The following USP24 variants were observed in gnomAD, a reference collection of about 807,000 sequenced individuals.
USP24 encodes the protein ubiquitin carboxyl-terminal hydrolase 24.
In USP24, 97 loss-of-function variants were observed where a neutral mutation model predicts 361.6. That is an observed-to-expected ratio of 0.27 (90% CI 0.23 to 0.32). The LOEUF is 0.32. USP24 is among the 10% of genes least tolerant of loss of function. USP24 has a pLI of 1.00. For synonymous variants in USP24, 1,098 were observed against 1,124.6 expected (o/e 0.98, Z 0.47); for missense variants, 2,353 against 3,165.6 (o/e 0.74, Z 6.16).
chr1:55,209,348 T>C (rs1389980747), intron 1 of USP24, among the ~76,000 whole-genome samples: 1 of 152,170 alleles, frequency 6.6e-6, no homozygotes, highest in Admixed American at 6.5e-5. Flanking sequence ...CTGGAACCTC[T>C]TCTTGACTGT....
At chr1:55,073,759 C>A (rs1436981534) in intron 64 of USP24, 69 bp downstream of exon 64, 1 of 1,403,542 alleles carries the variant, frequency 7.1e-7, no homozygotes, top group Non-Finnish European at 9.9e-7. Context: ...GGCACATGTT[C>A]CCCTTCTGCT....
chr1:55,117,847 C>T (rs185061457), intron 38 of USP24, among the ~76,000 whole-genome samples: 399 of 151,008 alleles, frequency 2.6e-3, no homozygotes, highest in Non-Finnish European at 4.5e-3. Flanking sequence ...GTTTCTTACA[C>T]TAACAATGAT....
chr1:55,074,974 A>G (rs1213454477), intron 63 of USP24, among the ~76,000 whole-genome samples: 1 of 152,226 alleles, frequency 6.6e-6, no homozygotes, highest in Admixed American at 6.5e-5. Context: ...CAGGAAAGCC[A>G]ATTTAGCCTT....
At chr1:55,176,625 A>C (rs1229476237) in intron 2 of USP24, among the ~76,000 whole-genome samples, 182 bp from the exon 3 acceptor site, 1 of 152,182 alleles carries the variant, frequency 6.6e-6, no homozygotes, top group Admixed American at 6.5e-5. Flanking sequence ...GAAATTATTA[A>C]AAGTAGAATA....
intron 28 of USP24, among the ~76,000 whole-genome samples, chr1:55,136,516 A>C (rs1173026014): frequency 6.6e-6 from 1 of 152,166 alleles, no homozygotes; most frequent in Non-Finnish European, 1.5e-5. Flanking sequence ...TAAGAGCAGA[A>C]ACTGTGAGAG....
At chr1:55,210,617 T>C (rs535951732) in intron 1 of USP24, among the ~76,000 whole-genome samples, 49 of 152,196 alleles carry the variant, frequency 3.2e-4, no homozygotes, top group African/African-American at 1.2e-3. Flanking sequence ...ACAAGAGAAA[T>C]AGGAATGAGG....
At chr1:55,149,797 A>G (rs1175050577) in intron 16 of USP24, among the ~76,000 whole-genome samples, 2 of 152,214 alleles carry the variant, frequency 1.3e-5, no homozygotes, top group African/African-American at 4.8e-5. Context: ...GTTACCTGGT[A>G]TAGGTAGTAC....
rs1037223065 is a variant in USP24 at position 55,147,736 on chromosome 1, G to A, written c.2031C>T (p.Ile677=). Reference sequence around the variant, plus strand: ...CAGCAGCTGCAAGCCGATGACAAGCGATCAAACTTCCCGTTACCAATTTCA... The same window carrying A: ...CAGCAGCTGCAAGCCGATGACAAGCAATCAAACTTCCCGTTACCAATTTCA... ...EIVKLVTGSL[I]ACHRLAAAVA... The change falls in exon 18 of 68, where the codon ATC becomes ATT. Residue 677 remains isoleucine, a synonymous_variant. Transcript: ENST00000294383. 9 of 1,612,654 alleles carry A rather than the reference G, an allele frequency of 5.6e-6. No individual in the cohort carries two copies. Among genetic ancestry groups the A allele is most frequent in the East Asian group, 2.2e-5 (1 of 44,758 alleles).
intron 1 of USP24, among the ~76,000 whole-genome samples, chr1:55,191,648 G>A (rs561843201): frequency 9.7e-4 from 147 of 151,912 alleles, no homozygotes; most frequent in Middle Eastern, 3.4e-3. Context: ...CTGCCACCAC[G>A]TCCGGCTAAT....
chr1:55,178,470 C>T (rs541027251), intron 1 of USP24, among the ~76,000 whole-genome samples: 22 of 151,688 alleles, frequency 1.5e-4, no homozygotes, highest in Non-Finnish European at 2.8e-4. Context: ...AGATCGAGAC[C>T]ATCGTGGCTA....
chr1:55,105,809 C>T (rs1235417494), intron 41 of USP24, among the ~76,000 whole-genome samples: 2 of 152,202 alleles, frequency 1.3e-5, no homozygotes, highest in Non-Finnish European at 2.9e-5. Context: ...CCTGAGAAAC[C>T]TTCAAGATTT....
At chr1:55,093,072 AGAG>A (rs998235465) in intron 52 of USP24, among the ~76,000 whole-genome samples, 156 bp from the exon 53 acceptor site, 2 of 152,336 alleles carry the variant, frequency 1.3e-5, no homozygotes, top group East Asian at 1.9e-4. Context: ...AACTTTTAAA[AGAG>A]GAGAGAGAAA....
chr1:55,142,592 G>A (rs1378420409), intron 23 of USP24, 150 bp downstream of exon 23: 1 of 608,840 alleles, frequency 1.6e-6, no homozygotes, highest in African/African-American at 1.9e-5. Context: ...GCAAACATCT[G>A]TTCCCTATGC....
chr1:55,182,631 A>G (rs905979028), intron 1 of USP24, among the ~76,000 whole-genome samples: 6 of 152,234 alleles, frequency 3.9e-5, no homozygotes, highest in Non-Finnish European at 7.3e-5. Context: ...GGTGCACTGT[A>G]AACAGCACAA....
intron 60 of USP24, 74 bp from the exon 61 acceptor site, chr1:55,078,725 A>T: frequency 1.7e-6 from 2 of 1,155,958 alleles, no homozygotes; most frequent in Middle Eastern, 2.0e-4. Context: ...GCTGCCTTTA[A>T]CTGAAATCTA....
chr1:55,109,927 T>C (rs2100547828), intron 39 of USP24, among the ~76,000 whole-genome samples: 1 of 152,306 alleles, frequency 6.6e-6, no homozygotes, highest in Middle Eastern at 3.4e-3. Context: ...TTCGTATCAG[T>C]GTAATTAAAA....
intron 31 of USP24, 82 bp from the exon 32 acceptor site, chr1:55,129,656 C>A: frequency 9.0e-7 from 1 of 1,111,674 alleles, no homozygotes; most frequent in Non-Finnish European, 1.3e-6. Flanking sequence ...ATTCAGACAA[C>A]TTGAGTTAGA....
chr1:55,091,502 G>A (rs548544565), intron 54 of USP24, among the ~76,000 whole-genome samples: 5 of 152,176 alleles, frequency 3.3e-5, no homozygotes, highest in East Asian at 1.9e-4. Flanking sequence ...AACCTTTCAC[G>A]ATCTCCCACT....
intron 21 of USP24, among the ~76,000 whole-genome samples, 172 bp downstream of exon 21, chr1:55,143,955 C>T (rs1030403938): frequency 6.6e-6 from 1 of 152,108 alleles, no homozygotes; most frequent in Non-Finnish European, 1.5e-5. Context: ...GTAGGAGCCT[C>T]CCTTACACTA....
Sources: allele counts gnomAD v4.1 joint callset (sites outside exome capture counted in the v4.1 genomes callset), GRCh38; gene constraint gnomAD v4.1.1; transcripts MANE v1.5; gene names NCBI Gene and HGNC (gene_info 2026-07-23, HGNC 2026-07-21).